The following GAL3ST1 variants were observed in gnomAD, a reference collection of about 807,000 sequenced individuals.
GAL3ST1 encodes galactose-3-O-sulfotransferase 1.
GAL3ST1 carries 13 observed loss-of-function variants against 25.0 expected under a neutral mutation model. That is an observed-to-expected ratio of 0.52 (90% CI 0.34 to 0.83). GAL3ST1 has a LOEUF of 0.83. GAL3ST1 is among the 40% of genes least tolerant of loss of function. GAL3ST1 has a pLI of 0.02. For missense variants in GAL3ST1, 474 were observed against 613.6 expected (o/e 0.77, Z 2.40); for synonymous variants, 274 against 277.8 (o/e 0.99, Z 0.14).
intron 1 of GAL3ST1, among the ~76,000 whole-genome samples, chr22:30,569,013 TTGCA>T (rs1216578829): frequency 6.7e-6 from 1 of 150,362 alleles, no homozygotes; most frequent in African/African-American, 2.5e-5. Flanking sequence ...GAGGCAGAGT[TTGCA>T]GTGAGCAGAG....
chr22:30,555,022 C>G lies in GAL3ST1; in HGVS notation c.1203G>C (p.Leu401=), dbSNP rs2085903529. The change falls in exon 4 of 4, where the codon CTG becomes CTC. Residue 401 remains leucine, a synonymous_variant. Coordinates refer to ENST00000406361, the MANE Select transcript of GAL3ST1 (RefSeq NM_001318104.2). This position sits in a 1 kb window ranked among gnomAD's most constrained non-coding sequence, Gnocchi z 8.6. ...CCCACAGGTTGGCGCCGAGGTCCATCAGGTACTGGATCTCGGGCGTGAGCA... is the reference window on the plus strand; with the variant it reads ...CCCACAGGTTGGCGCCGAGGTCCATGAGGTACTGGATCTCGGGCGTGAGCA... The part of the protein sequence containing the change: ...RRMLTPEIQY[L]MDLGANLWVT... 5 of 1,606,960 alleles carry G rather than the reference C, an allele frequency of 3.1e-6. No individual in the cohort carries two copies. Among genetic ancestry groups the G allele is most frequent in the African/African-American group, 1.3e-5 (1 of 74,776 alleles).
At chr22:30,556,720 G>GT (rs929188726) in intron 3 of GAL3ST1, among the ~76,000 whole-genome samples, 16 of 151,864 alleles carry the variant, frequency 1.1e-4, no homozygotes, top group African/African-American at 2.7e-4. Flanking sequence ...AAGGCTCTGG[G>GT]TTTTTTTTGT....
chr22:30,554,973 G>A lies in GAL3ST1; in HGVS notation c.1252C>T (p.Arg418Cys). 1.9e-6 allele frequency: 3 copies of A among 1,581,674 alleles called. No individual in the cohort carries two copies. The highest frequency in any genetic ancestry group is 1.1e-5 in the South Asian group (1 of 88,796). ...LWVTKLWKFI[R>C]DFLRW is the part of the protein sequence containing the mutation. Reference sequence around the variant, plus strand: ...GGACGTCACCACCGCAGGAAATCGCGAATGAACTTCCAGAGCTTGGTGACC... The same window carrying A: ...GGACGTCACCACCGCAGGAAATCGCAAATGAACTTCCAGAGCTTGGTGACC... The change falls in exon 4 of 4, where the codon CGC (arginine) becomes TGC (cysteine). Residue 418 changes from arginine (R) to cysteine (C), a missense_variant. Transcript: ENST00000406361.
intron 1 of GAL3ST1, among the ~76,000 whole-genome samples, chr22:30,561,539 G>A (rs1341771217): frequency 6.6e-6 from 1 of 152,228 alleles, no homozygotes; most frequent in African/African-American, 2.4e-5. Context: ...GGCAGGGCTG[G>A]AATTAGAGCC....
intron 1 of GAL3ST1, chr22:30,560,454 GTGT>G (rs2086338107): frequency 6.6e-6 from 1 of 152,150 alleles, no homozygotes; most frequent in African/African-American, 2.4e-5. Flanking sequence ...ATCACTTAGA[GTGT>G]TATCTGTACC....
intron 1 of GAL3ST1, among the ~76,000 whole-genome samples, chr22:30,570,065 C>G (rs144832009): frequency 2.1e-4 from 32 of 152,310 alleles, no homozygotes; most frequent in African/African-American, 7.5e-4. Flanking sequence ...GCCTGGGCAA[C>G]AGTGTGAGAC....
chr22:30,559,778 C>T (rs117561123), intron 1 of GAL3ST1, among the ~76,000 whole-genome samples: 1 of 152,314 alleles, frequency 6.6e-6, no homozygotes, highest in East Asian at 1.9e-4. Context: ...GGCTGAGGAA[C>T]TGGAGTCCAG....
At chr22:30,572,053 G>A (rs564386551) in intron 1 of GAL3ST1, among the ~76,000 whole-genome samples, 3 of 152,258 alleles carry the variant, frequency 2.0e-5, no homozygotes, top group East Asian at 1.9e-4. Context: ...AAATCACCCC[G>A]CTTCCTGAGG....
chr22:30,560,454 G>A, intron 1 of GAL3ST1: 1 of 152,150 alleles, frequency 6.6e-6, no homozygotes, highest in Admixed American at 6.5e-5. Flanking sequence ...ATCACTTAGA[G>A]TGTTATCTGT....
intron 1 of GAL3ST1, among the ~76,000 whole-genome samples, 189 bp from the exon 2 acceptor site, chr22:30,558,577 C>T (rs899664138): frequency 2.6e-5 from 4 of 152,160 alleles, no homozygotes; most frequent in Non-Finnish European, 5.9e-5. Flanking sequence ...ACCCACCCCA[C>T]AGTGGTACAG....
intron 1 of GAL3ST1, among the ~76,000 whole-genome samples, chr22:30,569,255 G>C (rs934250164): frequency 4.6e-5 from 7 of 152,098 alleles, no homozygotes; most frequent in African/African-American, 1.7e-4. Flanking sequence ...GATGGGGAAG[G>C]AGAGGGAGGA....
intron 3 of GAL3ST1, 112 bp downstream of exon 3, chr22:30,557,150 G>T (rs760522372): frequency 1.8e-4 from 197 of 1,079,086 alleles, no homozygotes; most frequent in Non-Finnish European, 2.6e-4. Flanking sequence ...CAGGGTGCAG[G>T]GTGGCTACCC....
intron 1 of GAL3ST1, among the ~76,000 whole-genome samples, chr22:30,569,075 C>CA (rs66507126): frequency 0.04 from 3,401 of 85,918 alleles, 120 homozygotes; most frequent in East Asian, 0.26. Context: ...GACTCCATCT[C>CA]AAAAAAAAAA....
chr22:30,555,370 G>A lies in GAL3ST1; in HGVS notation c.855C>T (p.Pro285=), dbSNP rs1193522704. The A allele has an allele frequency of 7.5e-6, 12 of 1,608,562 alleles. No individual in the cohort carries two copies. The highest frequency in any genetic ancestry group is 1.0e-5 in the Non-Finnish European group (12 of 1,179,792). The change falls in exon 4 of 4, where the codon CCC becomes CCT. Residue 285 remains proline, a synonymous_variant. Transcript: ENST00000406361. This position sits in a 1 kb window ranked among gnomAD's most constrained non-coding sequence, Gnocchi z 8.6. ...ACAGCTCCCCCGAGAGCCGCGGCAC[G>A]GGCGAGTCGCGGCGGGCGTTGAGCT... ...YFKLNARRDS[P]VPRLSGELYG... is the part of the protein sequence containing the mutation.
In GAL3ST1 at chr22:30,555,459, C is replaced by G. The variant is rs1426732002; in HGVS notation, c.766G>C (p.Asp256His). The G allele has an allele frequency of 6.2e-7, 1 of 1,613,232 alleles. No homozygotes were observed. The highest frequency in any genetic ancestry group is 8.5e-7 in the Non-Finnish European group (1 of 1,180,016). The change falls in exon 4 of 4, where the codon GAC (aspartate) becomes CAC (histidine). Residue 256 changes from aspartate (D) to histidine (H), a missense_variant. Asp to His is a moderately conservative substitution (Grantham distance 81). Transcript: ENST00000406361. The surrounding 1 kb of genome is among the most constrained non-coding windows in gnomAD (Gnocchi z 8.6). ...FHLVLLQEYF[D>H]ESLVLLKDLL... Reference sequence around the variant, plus strand: ...TCCTTCAGCAGCACCAGCGACTCGTCGAAGTACTCTTGAAGGAGCACCAGG... The same window carrying G: ...TCCTTCAGCAGCACCAGCGACTCGTGGAAGTACTCTTGAAGGAGCACCAGG...
intron 3 of GAL3ST1, 72 bp from the exon 4 acceptor site, chr22:30,556,165 G>A (rs1293802082): frequency 2.6e-5 from 32 of 1,243,338 alleles, no homozygotes; most frequent in Non-Finnish European, 3.3e-5. Context: ...TAGTTAGAGA[G>A]GGAGATTATT....
intron 1 of GAL3ST1, among the ~76,000 whole-genome samples, chr22:30,571,251 G>C (rs546188126): frequency 2.0e-5 from 3 of 152,242 alleles, no homozygotes; most frequent in East Asian, 3.9e-4. Context: ...GGATGGGATA[G>C]GTTAACCCTC....
At chr22:30,568,703 T>C (rs2086695705) in intron 1 of GAL3ST1, among the ~76,000 whole-genome samples, 1 of 151,800 alleles carries the variant, frequency 6.6e-6, no homozygotes, top group African/African-American at 2.4e-5. Flanking sequence ...GCTGGAGTGT[T>C]TGGTGTGTTT....
chr22:30,571,321 C>T (rs1044022780), intron 1 of GAL3ST1, among the ~76,000 whole-genome samples: 1 of 152,118 alleles, frequency 6.6e-6, no homozygotes, highest in Non-Finnish European at 1.5e-5. Flanking sequence ...AATCTGAGCC[C>T]CTCTAGAATG....
Sources: gnomAD v4.1 joint callset for allele counts (sites outside exome capture counted in the v4.1 genomes callset) on GRCh38, gnomAD v4.1.1 for gene constraint, Gnocchi (gnomAD v3.1) non-coding constraint, MANE v1.5 for transcripts, NCBI Gene and HGNC (gene_info 2026-07-23, HGNC 2026-07-21) for gene names.